The following ZHX2 variants were observed in gnomAD, a reference collection of about 807,000 sequenced individuals.
ZHX2 encodes the protein zinc fingers and homeoboxes protein 2.
Under a neutral mutation model 21.9 loss-of-function variants are expected in ZHX2, and 6 were observed. The ratio of observed to expected loss-of-function variants is 0.27; its 90% CI spans 0.15 to 0.54. The LOEUF (loss-of-function observed/expected upper bound fraction) is 0.54. ZHX2 is among the 20% of genes least tolerant of loss of function. ZHX2 has a pLI of 0.95. For missense variants in ZHX2, 908 were observed against 1,090.7 expected (o/e 0.83, Z 2.36); for synonymous variants, 434 against 437.1 (o/e 0.99, Z 0.09).
chr8:122,935,298 C>A (rs1030647684), intron 2 of ZHX2, among the ~76,000 whole-genome samples: 25 of 152,164 alleles, frequency 1.6e-4, no homozygotes, highest in Admixed American at 6.5e-4. Flanking sequence ...AAGTACATTT[C>A]AGTGGAGCTT....
At chr8:122,936,023 A>AGAAT (rs1486101766) in intron 2 of ZHX2, among the ~76,000 whole-genome samples, 1 of 152,232 alleles carries the variant, frequency 6.6e-6, no homozygotes, top group Non-Finnish European at 1.5e-5. Flanking sequence ...CAGGCATTCA[A>AGAAT]GAATGAATGA....
At chr8:122,923,556 T>G (rs1455040418) in intron 2 of ZHX2, among the ~76,000 whole-genome samples, 1 of 152,204 alleles carries the variant, frequency 6.6e-6, no homozygotes, top group Non-Finnish European at 1.5e-5. Context: ...GATGGGAACA[T>G]GGACCCCATC....
At position 122,838,412 on chromosome 8, in the gene ZHX2, T is replaced by C. The variant is rs80070346; in HGVS notation, c.-282-25065T>C. ...TTCTCCAAAAAGAAGTAACGAGGCA[T>C]GTCAGTCCCAGCGTGTTTATACAGC... On this transcript the variant is annotated intron_variant, in intron 1 of 3. Coordinates refer to ENST00000314393, the MANE Select transcript of ZHX2 (RefSeq NM_014943.5). 2.9e-3 allele frequency among the ~76,000 whole-genome samples: 442 copies of C among 152,246 alleles called. 10 individuals carry two copies. In the East Asian group the frequency reaches 0.069, roughly 24 times the overall value.
intron 2 of ZHX2, among the ~76,000 whole-genome samples, chr8:122,917,184 C>T (rs890409946): frequency 6.6e-6 from 1 of 152,148 alleles, no homozygotes; most frequent in African/African-American, 2.4e-5. Flanking sequence ...CCTACTGTGG[C>T]GTGGCCTCCA....
intron 2 of ZHX2, among the ~76,000 whole-genome samples, chr8:122,875,024 C>T (rs921484345): frequency 1.3e-5 from 2 of 151,272 alleles, no homozygotes; most frequent in African/African-American, 4.9e-5. Context: ...AGTGAATCAC[C>T]ATGGCTGGTT....
At chr8:122,954,471 C>A (rs987849032) in intron 3 of ZHX2, among the ~76,000 whole-genome samples, 9 of 152,160 alleles carry the variant, frequency 5.9e-5, no homozygotes, top group Non-Finnish European at 1.3e-4. Flanking sequence ...CCACACCCAA[C>A]TAATATTTTA....
chr8:122,864,754 C>T (rs1358579463), intron 2 of ZHX2, among the ~76,000 whole-genome samples: 1 of 152,190 alleles, frequency 6.6e-6, no homozygotes, highest in Non-Finnish European at 1.5e-5. Flanking sequence ...TCACATACTC[C>T]AGTGGCCAAA....
chr8:122,823,635 G>T (rs1269814883), intron 1 of ZHX2, among the ~76,000 whole-genome samples: 1 of 152,174 alleles, frequency 6.6e-6, no homozygotes, highest in African/African-American at 2.4e-5. Flanking sequence ...CTCAAAGCAG[G>T]TTCTCAGAAG....
In ZHX2 at chr8:122,860,343, A is replaced by G. The variant is rs114095911; in HGVS notation, c.-282-3134A>G. ...GGGTGGGGACAGAAAGCCTAACCAT[A>G]TCAGTACCTAGAATGTAACTTGCAT... On this transcript the variant is annotated intron_variant, in intron 1 of 3. Transcript: ENST00000314393. 2.9e-3 allele frequency among the ~76,000 whole-genome samples: 449 copies of G among 152,320 alleles called. 3 individuals carry two copies. Among genetic ancestry groups the G allele is most frequent in the African/African-American group, 0.01 (427 of 41,572 alleles).
intron 1 of ZHX2, among the ~76,000 whole-genome samples, chr8:122,852,181 A>G (rs1818917050): frequency 6.6e-6 from 1 of 152,186 alleles, no homozygotes; most frequent in African/African-American, 2.4e-5. Flanking sequence ...TCCAAAAACA[A>G]ATCAGTTTAC....
chr8:122,820,071 T>C lies in ZHX2; in HGVS notation c.-283+38125T>C, dbSNP rs1031598155. Among the ~76,000 whole-genome samples, 5 of 152,098 alleles carry C rather than the reference T, an allele frequency of 3.3e-5. No homozygotes were observed. In the South Asian group the frequency reaches 1.0e-3, roughly 32 times the overall value. ...CACGATGGAAACAATTGAAAACCAC[T>C]TGGCAAAAAGAAGGGGTGATCTAAT... On this transcript the variant is annotated intron_variant, in intron 1 of 3. Coordinates refer to ENST00000314393, the MANE Select transcript of ZHX2 (RefSeq NM_014943.5).
intron 2 of ZHX2, among the ~76,000 whole-genome samples, chr8:122,931,161 C>G (rs1463346920): frequency 6.6e-6 from 1 of 152,178 alleles, no homozygotes; most frequent in Non-Finnish European, 1.5e-5. Flanking sequence ...CCATAATTTC[C>G]CTGGCCTTCA....
chr8:122,938,271 A>C (rs1016151866), intron 2 of ZHX2, among the ~76,000 whole-genome samples: 2 of 152,010 alleles, frequency 1.3e-5, no homozygotes, highest in Non-Finnish European at 2.9e-5. Flanking sequence ...TGACTTTGTT[A>C]AGCTTTCAGT....
intron 2 of ZHX2, among the ~76,000 whole-genome samples, chr8:122,899,235 C>T (rs1235307021): frequency 6.6e-6 from 1 of 152,132 alleles, no homozygotes; most frequent in East Asian, 1.9e-4. Flanking sequence ...CCCCCTCTAA[C>T]TCCTACAAAG....
At chr8:122,820,384 A>G (rs1818118779) in intron 1 of ZHX2, among the ~76,000 whole-genome samples, 1 of 152,094 alleles carries the variant, frequency 6.6e-6, no homozygotes. Context: ...GAGCCTGGGG[A>G]ATGTGGGCCT....
At chr8:122,963,886 T>C (rs1378653031) in intron 3 of ZHX2, among the ~76,000 whole-genome samples, 3 of 151,898 alleles carry the variant, frequency 2.0e-5, no homozygotes, top group Non-Finnish European at 4.4e-5. Context: ...TGTTGTTGTT[T>C]CTTTGTTTGT....
chr8:122,941,046 A>T (rs1812831297), intron 2 of ZHX2, among the ~76,000 whole-genome samples: 1 of 150,778 alleles, frequency 6.6e-6, no homozygotes, highest in Admixed American at 6.6e-5. Context: ...GCTGGGTAAT[A>T]TAATGAGACC....
At chr8:122,879,381 AT>A (rs902764172) in intron 2 of ZHX2, among the ~76,000 whole-genome samples, 5 of 151,778 alleles carry the variant, frequency 3.3e-5, no homozygotes, top group Non-Finnish European at 7.4e-5. Flanking sequence ...TAACTTTTGT[AT>A]TTTTAGTAGA....
chr8:122,829,638 C>G (rs747106854), intron 1 of ZHX2, among the ~76,000 whole-genome samples: 1 of 152,202 alleles, frequency 6.6e-6, no homozygotes, highest in Non-Finnish European at 1.5e-5. Flanking sequence ...GTCCCACCTT[C>G]AAGTGCTGAG....
Sources: gnomAD v4.1 joint callset for allele counts (sites outside exome capture counted in the v4.1 genomes callset) on GRCh38, gnomAD v4.1.1 for gene constraint, MANE v1.5 for transcripts, NCBI Gene and HGNC (gene_info 2026-07-23, HGNC 2026-07-21) for gene names.